ZNF37A: variants seen among roughly 807,000 people sequenced by gnomAD.
ZNF37A encodes zinc finger protein 37a (KOX 21).
In ZNF37A, 10 loss-of-function variants were observed where a neutral mutation model predicts 12.3. The observed-to-expected ratio is 0.82, with a 90% CI of 0.50 to 1.38. ZNF37A has a LOEUF of 1.38. ZNF37A is among the 40% of genes most tolerant of loss of function. The pLI, the probability that ZNF37A is intolerant of heterozygous loss-of-function variation, is 0.00. For missense variants in ZNF37A, 580 were observed against 651.2 expected (o/e 0.89, Z 1.19); for synonymous variants, 207 against 223.0 (o/e 0.93, Z 0.64).
At chr10:38,114,297 G>A (rs1382217867) in intron 5 of ZNF37A, among the ~76,000 whole-genome samples, 1 of 152,166 alleles carries the variant, frequency 6.6e-6, no homozygotes, top group African/African-American at 2.4e-5. Context: ...TGTTTGCAAA[G>A]GAACTAAAGT....
intron 5 of ZNF37A, among the ~76,000 whole-genome samples, chr10:38,098,434 GTTAGCTTTTC>G: frequency 6.6e-6 from 1 of 152,126 alleles, no homozygotes; most frequent in African/African-American, 2.4e-5. Context: ...GGAATTTTTA[GTTAGCTTTTC>G]TATTTCTGCA....
chr10:38,124,798 T>G (rs1224345986), downstream of ZNF37A: 1 of 152,202 alleles, frequency 6.6e-6, no homozygotes, highest in Non-Finnish European at 1.5e-5. Flanking sequence ...TTCCTCAAAT[T>G]GTTCTATTAA....
rs1194689229 is a variant in ZNF37A, at chr10:38,121,250, C to T, written c.*2413C>T. The T allele has an allele frequency of 6.6e-6, 1 of 151,764 alleles. No individual in the cohort carries two copies. The highest frequency in any genetic ancestry group is 2.4e-5 in the African/African-American group (1 of 41,336). 9.4% of individuals were successfully genotyped at this position (151,764 alleles called of 1,614,324 possible). On this transcript the variant is annotated 3_prime_UTR_variant, in exon 8 of 8. Transcript: ENST00000685332. ...AACCCATAAAGCTATAGACCAAAGT[C>T]TCATAGATTTAGATGCAAAATCCTA...
At chr10:38,137,286 T>C (rs1279139870) in intron 7 of ZNF37A, 2 of 152,224 alleles carry the variant, frequency 1.3e-5, no homozygotes, top group Non-Finnish European at 2.9e-5. Flanking sequence ...CCAGGGCTTG[T>C]TGGGCTTTAA....
intron 5 of ZNF37A, among the ~76,000 whole-genome samples, chr10:38,103,474 A>G (rs1287090381): frequency 6.6e-6 from 1 of 151,980 alleles, no homozygotes; most frequent in African/African-American, 2.4e-5. Context: ...GCTTTCATTT[A>G]GCTCTTTGAG....
At chr10:38,112,750 CT>C (rs1389404220) in intron 5 of ZNF37A, among the ~76,000 whole-genome samples, 2 of 47,344 alleles carry the variant, frequency 4.2e-5, no homozygotes, top group Admixed American at 5.4e-4. Context: ...CTTTTCTTTT[CT>C]TTTCTTTTCT....
intron 7 of ZNF37A, among the ~76,000 whole-genome samples, chr10:38,135,225 A>T (rs2070092467): frequency 1.3e-5 from 2 of 152,158 alleles, no homozygotes; most frequent in African/African-American, 4.8e-5. Context: ...TCTCTACTAA[A>T]AATACAAAAA....
chr10:38,129,589 C>G (rs1294397394), downstream of ZNF37A, among the ~76,000 whole-genome samples: 1 of 152,092 alleles, frequency 6.6e-6, no homozygotes, highest in Non-Finnish European at 1.5e-5. Context: ...AGTAGCCATT[C>G]TTTTTCCTTT....
Position 38,118,995 on chromosome 10 carries a change from T to C in ZNF37A, c.*158T>C, listed in dbSNP as rs2069525512. On this transcript the variant is annotated 3_prime_UTR_variant, in exon 8 of 8. Transcript: ENST00000685332. ...GAAGATAGGGAATGCAGGAAAACAT[T>C]ATTCTGGAATTTGGACCATACACTA... The C allele has an allele frequency of 7.5e-7, 1 of 1,331,384 alleles. No individual in the cohort carries two copies. Among genetic ancestry groups the C allele is most frequent in the Non-Finnish European group, 9.6e-7 (1 of 1,044,962 alleles). 82.5% of individuals were successfully genotyped at this position (1,331,384 alleles called of 1,614,324 possible).
downstream of ZNF37A, among the ~76,000 whole-genome samples, chr10:38,128,638 A>G (rs952500370): frequency 1.3e-5 from 2 of 152,206 alleles, no homozygotes; most frequent in African/African-American, 4.8e-5. Flanking sequence ...CTAAAGATTT[A>G]CATTACATGA....
At chr10:38,113,095 C>T (rs908200362) in intron 5 of ZNF37A, among the ~76,000 whole-genome samples, 3 of 151,896 alleles carry the variant, frequency 2.0e-5, no homozygotes, top group South Asian at 2.1e-4. Flanking sequence ...CATGAGCCAC[C>T]GCACCTGGCC....
intron 7 of ZNF37A, among the ~76,000 whole-genome samples, chr10:38,132,357 C>A (rs1351518263): frequency 6.6e-6 from 1 of 152,028 alleles, no homozygotes; most frequent in African/African-American, 2.4e-5. Context: ...CTGAAACGAT[C>A]ATGTATAGGT....
chr10:38,117,592 A>G lies in ZNF37A; in HGVS notation c.441A>G (p.Glu147=). The G allele has an allele frequency of 6.2e-7, 1 of 1,613,818 alleles. No homozygotes were observed. The highest frequency in any genetic ancestry group is 8.5e-7 in the Non-Finnish European group (1 of 1,179,950). ...QKIKNWEQSF[E]YNECGKAFPE... ...TTAAAAATTGGGAACAATCTTTTGA[A>G]TACAATGAATGTGGGAAAGCTTTCC... The change falls in exon 8 of 8, where the codon GAA becomes GAG. Residue 147 remains glutamate (E), a synonymous_variant. Transcript: ENST00000685332.
chr10:38,112,783 T>TG (rs1564932429), intron 5 of ZNF37A, among the ~76,000 whole-genome samples: 10 of 57,890 alleles, frequency 1.7e-4, no homozygotes, highest in African/African-American at 5.5e-4. Context: ...TTCTTTTCTT[T>TG]TCTTTTCTTT....
chr10:38,116,688 T>C (rs1009441747), intron 7 of ZNF37A, among the ~76,000 whole-genome samples: 4 of 152,242 alleles, frequency 2.6e-5, no homozygotes, highest in African/African-American at 9.6e-5. Context: ...GGACAGTTGA[T>C]GAAATAAAGG....
At position 38,122,782 on chromosome 10, in the gene ZNF37A, A is replaced by G. The variant is rs1261904663; in HGVS notation, c.*3945A>G. On this transcript the variant is annotated 3_prime_UTR_variant, in exon 8 of 8. Transcript: ENST00000685332. ...TGGAGTGGGCAAAGATTTCTTGTGTAATACCTGACAAACAGGCAACCAAAG... is the reference window on the plus strand; with the variant it reads ...TGGAGTGGGCAAAGATTTCTTGTGTGATACCTGACAAACAGGCAACCAAAG... 1 of 152,250 alleles carries G rather than the reference A, an allele frequency of 6.6e-6. No individual in the cohort carries two copies. Among genetic ancestry groups the G allele is most frequent in the Non-Finnish European group, 1.5e-5 (1 of 68,036 alleles). The allele number at this position is 152,250 out of a possible 1,614,324, so 9.4% of individuals were successfully genotyped here.
Position 38,095,792 on chromosome 10 carries a change from C to G in ZNF37A, c.-57C>G, listed in dbSNP as rs763013279. 3.3e-5 allele frequency: 5 copies of G among 152,114 alleles called. No individual in the cohort carries two copies. The highest frequency in any genetic ancestry group is 7.3e-5 in the Non-Finnish European group (5 of 68,036). The allele number at this position is 152,114 out of a possible 1,614,324, so 9.4% of individuals were successfully genotyped here. A position where few individuals can be genotyped will look rare whatever the true frequency, so the allele number is the denominator to read the frequency against. On this transcript the variant is annotated 5_prime_UTR_variant, in exon 4 of 8. Coordinates refer to ENST00000685332, the MANE Select transcript of ZNF37A (RefSeq NM_001324250.3). Reference sequence around the variant, plus strand: ...TGAGGACTCAGGAGGGTGTTTGCTGCGTTGACAACAGAGTAAGTAAAAATC... The same window carrying G: ...TGAGGACTCAGGAGGGTGTTTGCTGGGTTGACAACAGAGTAAGTAAAAATC...
intron 5 of ZNF37A, among the ~76,000 whole-genome samples, chr10:38,100,670 G>A (rs1324290160): frequency 1.3e-5 from 2 of 152,032 alleles, no homozygotes; most frequent in Non-Finnish European, 1.5e-5. Context: ...CCCAGATTTC[G>A]TATTTGTGCA....
downstream of ZNF37A, among the ~76,000 whole-genome samples, chr10:38,128,589 A>AT (rs1409889156): frequency 2.0e-5 from 3 of 152,114 alleles, no homozygotes; most frequent in Non-Finnish European, 4.4e-5. Flanking sequence ...TTAAAAAGTC[A>AT]TTTTTTTCCA....
Sources: allele counts gnomAD v4.1 joint callset (sites outside exome capture counted in the v4.1 genomes callset), GRCh38; gene constraint gnomAD v4.1.1; transcripts MANE v1.5; gene names NCBI Gene and HGNC (gene_info 2026-07-23, HGNC 2026-07-21).